Variants in RAPGEF2 observed in about 807,000 individuals in gnomAD.
RAPGEF2 encodes the protein PDZ domain containing guanine nucleotide exchange factor (GEF) 1.
A neutral mutation model predicts 186.7 loss-of-function variants in RAPGEF2; 54 were observed. The ratio of observed to expected loss-of-function variants is 0.29; its 90% CI spans 0.23 to 0.36. The LOEUF is 0.36. Among genes scored for constraint, RAPGEF2 ranks in the 10% least tolerant of loss-of-function variants. The pLI, the probability that RAPGEF2 is intolerant of heterozygous loss-of-function variation, is 1.00. For missense variants in RAPGEF2, 1,532 were observed against 2,045.0 expected (o/e 0.75, Z 4.84); for synonymous variants, 712 against 705.9 (o/e 1.01, Z -0.14).
intron 7 of RAPGEF2, among the ~76,000 whole-genome samples, chr4:159,281,738 A>G (rs951166640): frequency 1.3e-5 from 2 of 151,388 alleles, no homozygotes; most frequent in Admixed American, 6.6e-5. Flanking sequence ...AATTAAAATT[A>G]TTTTATTAAG....
intron 7 of RAPGEF2, among the ~76,000 whole-genome samples, chr4:159,274,006 G>A (rs111967823): frequency 2.6e-4 from 39 of 152,066 alleles, no homozygotes; most frequent in African/African-American, 6.3e-4. Flanking sequence ...TGGCCTGGCC[G>A]GTCTTGAGCT....
intron 7 of RAPGEF2, among the ~76,000 whole-genome samples, chr4:159,279,612 T>C (rs1759415381): frequency 6.6e-6 from 1 of 152,216 alleles, no homozygotes; most frequent in African/African-American, 2.4e-5. Context: ...TAGCCAGAAT[T>C]GCAAGAATAC....
intron 1 of RAPGEF2, among the ~76,000 whole-genome samples, chr4:159,104,514 G>A (rs1249950529): frequency 2.3e-5 from 3 of 130,854 alleles, no homozygotes; most frequent in Non-Finnish European, 4.7e-5. Context: ...GAGAGAGAGA[G>A]AGAGAGAGAG....
At chr4:159,209,048 A>G (rs1579468481) in intron 3 of RAPGEF2, among the ~76,000 whole-genome samples, 1 of 151,828 alleles carries the variant, frequency 6.6e-6, no homozygotes, top group Non-Finnish European at 1.5e-5. Flanking sequence ...GAGCCACCAC[A>G]CTGGCTAATT....
chr4:159,168,588 A>G (rs1745577220), intron 1 of RAPGEF2, among the ~76,000 whole-genome samples: 1 of 152,098 alleles, frequency 6.6e-6, no homozygotes, highest in Non-Finnish European at 1.5e-5. Flanking sequence ...ACATTTTGGC[A>G]GAAGACATCA....
intron 24 of RAPGEF2, 112 bp downstream of exon 24, chr4:159,345,441 A>C: frequency 2.3e-6 from 2 of 871,170 alleles, no homozygotes. Context: ...GGAGCTAGCA[A>C]TCCTGAGATA....
chr4:159,168,195 T>C (rs1434160335), intron 1 of RAPGEF2, among the ~76,000 whole-genome samples: 1 of 152,228 alleles, frequency 6.6e-6, no homozygotes, highest in Non-Finnish European at 1.5e-5. Flanking sequence ...TTTTTGAGCC[T>C]GATTGAACTT....
At chr4:159,201,577 A>ACT (rs1749419532) in intron 3 of RAPGEF2, among the ~76,000 whole-genome samples, 1 of 152,220 alleles carries the variant, frequency 6.6e-6, no homozygotes, top group Non-Finnish European at 1.5e-5. Context: ...TGAGAGCACA[A>ACT]GTCTAAGCTG....
At chr4:159,199,401 GA>G (rs1435419295) in intron 3 of RAPGEF2, among the ~76,000 whole-genome samples, 4 of 151,620 alleles carry the variant, frequency 2.6e-5, no homozygotes, top group Admixed American at 2.0e-4. Context: ...TGAGGGTAGG[GA>G]CTATGTTTGT....
At chr4:159,291,705 T>C (rs1456511233) in intron 7 of RAPGEF2, among the ~76,000 whole-genome samples, 1 of 152,140 alleles carries the variant, frequency 6.6e-6, no homozygotes. Context: ...TATCCACAAA[T>C]GATAACTTAG....
chr4:159,274,774 A>G (rs1201710611), intron 7 of RAPGEF2, among the ~76,000 whole-genome samples: 2 of 152,242 alleles, frequency 1.3e-5, no homozygotes, highest in African/African-American at 4.8e-5. Context: ...TTAAGAAACT[A>G]ATAGAAAAAA....
At chr4:159,260,051 G>A (rs1359074568) in intron 7 of RAPGEF2, among the ~76,000 whole-genome samples, 1 of 152,064 alleles carries the variant, frequency 6.6e-6, no homozygotes, top group Non-Finnish European at 1.5e-5. Flanking sequence ...AGGCTAGAGT[G>A]CAGTGGTGCA....
chr4:159,216,630 T>C (rs963501083), intron 4 of RAPGEF2, among the ~76,000 whole-genome samples: 1 of 152,070 alleles, frequency 6.6e-6, no homozygotes, highest in African/African-American at 2.4e-5. Flanking sequence ...TTGGTAATAG[T>C]GGCATTGATG....
rs1729482615 is a variant in RAPGEF2 at position 159,341,600 on chromosome 4, T to C, written c.2571T>C (p.Leu857=). The C allele has an allele frequency of 6.2e-7, 1 of 1,607,284 alleles. No individual in the cohort carries two copies. The highest frequency in any genetic ancestry group is 8.5e-7 in the Non-Finnish European group (1 of 1,178,264). Residue 857 remains leucine, a synonymous_variant, in exon 20 of 30, where the codon CTT becomes CTC. Coordinates refer to ENST00000691494, the MANE Select transcript of RAPGEF2 (RefSeq NM_001394067.2). ...YLKNNMETET[L]CSDEDAQELL... Reference sequence around the variant, plus strand: ...AAAACAACATGGAAACAGAAACTCTTTGTTCAGATGAAGATGCTCAGGAGT... The same window carrying C: ...AAAACAACATGGAAACAGAAACTCTCTGTTCAGATGAAGATGCTCAGGAGT...
intron 3 of RAPGEF2, among the ~76,000 whole-genome samples, chr4:159,194,632 A>G (rs979608345): frequency 6.6e-6 from 1 of 152,252 alleles, no homozygotes; most frequent in Admixed American, 6.5e-5. Context: ...AAGATTATCA[A>G]GTCTTTAAAA....
intron 7 of RAPGEF2, among the ~76,000 whole-genome samples, chr4:159,290,528 T>G (rs1761063055): frequency 6.6e-6 from 1 of 152,224 alleles, no homozygotes; most frequent in Admixed American, 6.5e-5. Context: ...AAACCACAGC[T>G]TAATACAGCA....
At chr4:159,275,869 C>T (rs1178435356) in intron 7 of RAPGEF2, among the ~76,000 whole-genome samples, 4 of 151,688 alleles carry the variant, frequency 2.6e-5, no homozygotes, top group Admixed American at 6.6e-5. Context: ...GAAAAAAAAA[C>T]GGGTAACCCA....
intron 1 of RAPGEF2, among the ~76,000 whole-genome samples, chr4:159,168,029 T>TGAC (rs1232945996): frequency 6.6e-6 from 1 of 152,250 alleles, no homozygotes; most frequent in African/African-American, 2.4e-5. Flanking sequence ...TGTATGATCT[T>TGAC]GAAATTTTGT....
Position 159,280,941 on chromosome 4 carries a change from A to ATGTT in RAPGEF2, c.544-23400_544-23397dup, listed in dbSNP as rs1426382826. ...GACCTTGATTTGAGTTCTTGTTCTG[A>ATGTT]TGTTAGCTAGCTGTACAATGCGTAG... On this transcript the variant is annotated intron_variant, in intron 7 of 29. Coordinates refer to ENST00000691494, the MANE Select transcript of RAPGEF2 (RefSeq NM_001394067.2). 2.0e-5 allele frequency among the ~76,000 whole-genome samples: 3 copies of ATGTT among 151,216 alleles called. No individual in the cohort carries two copies. In the East Asian group the frequency reaches 5.8e-4, roughly 29 times the overall value.
Sources: gnomAD v4.1 joint callset for allele counts (sites outside exome capture counted in the v4.1 genomes callset) on GRCh38, gnomAD v4.1.1 for gene constraint, MANE v1.5 for transcripts, NCBI Gene and HGNC (gene_info 2026-07-23, HGNC 2026-07-21) for gene names.